USP8: variants seen among roughly 807,000 people sequenced by gnomAD.
USP8 encodes the protein ubiquitin carboxyl-terminal hydrolase 8.
Under a neutral mutation model 130.0 loss-of-function variants are expected in USP8, and 27 were observed. The observed-to-expected ratio is 0.21, with a 90% CI of 0.15 to 0.29. The LOEUF is 0.29. Ranked by LOEUF, USP8 falls within the 10% of genes least tolerant of loss-of-function variation. The probability of loss-of-function intolerance (pLI) is 1.00; values close to 1 mark genes in which losing one functional copy is unlikely to be tolerated. For synonymous variants in USP8, 392 were observed against 444.1 expected (o/e 0.88, Z 1.48); for missense variants, 1,029 against 1,312.2 (o/e 0.78, Z 3.33).
In USP8 at chr15:50,455,522, T is replaced by G. The variant is rs560975863; in HGVS notation, c.336-3478T>G. ...CAGCTGCTCTAAAATCTTTGTATGCTAAATGCATCATCTTAGAGTCAGTGT... is the reference window on the plus strand; with the variant it reads ...CAGCTGCTCTAAAATCTTTGTATGCGAAATGCATCATCTTAGAGTCAGTGT... On this transcript the variant is annotated intron_variant, in intron 4 of 19. Transcript: ENST00000307179. Among the ~76,000 whole-genome samples, 10 of 152,382 alleles carry G rather than the reference T, an allele frequency of 6.6e-5. No individual in the cohort carries two copies. The East Asian group carries it at 1.9e-3, about 29-fold the overall frequency.
chr15:50,483,297 T>G (rs996691685), intron 11 of USP8, among the ~76,000 whole-genome samples: 4 of 152,232 alleles, frequency 2.6e-5, no homozygotes, highest in African/African-American at 9.6e-5. Context: ...AGAACTTAAA[T>G]CATTCATATT....
chr15:50,455,380 A>G (rs565636260), intron 4 of USP8, among the ~76,000 whole-genome samples: 20 of 144,680 alleles, frequency 1.4e-4, no homozygotes, highest in Admixed American at 7.5e-4. Context: ...GCCCAGCCCA[A>G]TTCTAGAATT....
chr15:50,447,502 A>G (rs879861011), intron 3 of USP8, among the ~76,000 whole-genome samples: 2 of 151,564 alleles, frequency 1.3e-5, no homozygotes, highest in Non-Finnish European at 2.9e-5. Context: ...CAGCCTCCCA[A>G]TGTGCTGGGA....
chr15:50,488,017 C>A (rs3131559), intron 12 of USP8, among the ~76,000 whole-genome samples: 63,900 of 151,946 alleles, frequency 0.42, 13,727 homozygotes, highest in Admixed American at 0.52. Flanking sequence ...CATCTCTAAA[C>A]TTTTTTTAAA....
At chr15:50,468,798 A>G (rs1475200047) in intron 7 of USP8, among the ~76,000 whole-genome samples, 1 of 152,004 alleles carries the variant, frequency 6.6e-6, no homozygotes, top group Non-Finnish European at 1.5e-5. Context: ...AACTTTTAAT[A>G]CATTATAGTA....
intron 1 of USP8, 33 bp from the exon 2 acceptor site, chr15:50,438,976 G>T: frequency 2.2e-6 from 2 of 896,084 alleles, no homozygotes; most frequent in South Asian, 1.6e-5. Flanking sequence ...TGTGAATGAG[G>T]AAAATTAGTA....
chr15:50,461,282 G>A (rs557773774), intron 5 of USP8, among the ~76,000 whole-genome samples: 8 of 151,892 alleles, frequency 5.3e-5, no homozygotes, highest in South Asian at 2.1e-4. Context: ...GTCAGCCACC[G>A]TGCCTGGCCT....
At position 50,497,181 on chromosome 15, in the gene USP8, A is replaced by G. The variant is rs1461660855; in HGVS notation, c.2988A>G (p.Lys996=). 6.2e-7 allele frequency: 1 copy of G among 1,611,342 alleles called. No homozygotes were observed. The highest frequency in any genetic ancestry group is 1.7e-5 in the Admixed American group (1 of 59,544). The change falls in exon 18 of 20, where the codon AAA becomes AAG. Residue 996 remains lysine, a synonymous_variant. Transcript: ENST00000307179. The part of the protein sequence containing the change: ...SHCRARRDSL[K]KIEIWKLPPV... ...GCAGAGCTCGACGGGATTCTCTAAA[A>G]AAGATAGAAATCTGGAAGTTACCAC...
chr15:50,446,307 A>G (rs2050441124), intron 3 of USP8, among the ~76,000 whole-genome samples: 1 of 152,210 alleles, frequency 6.6e-6, no homozygotes, highest in Non-Finnish European at 1.5e-5. Context: ...GAGATAAATA[A>G]TTGACAGGAA....
chr15:50,498,668 G>A lies in USP8; in HGVS notation c.3111G>A (p.Leu1037=). 1 of 1,613,100 alleles carries A rather than the reference G, an allele frequency of 6.2e-7. No homozygotes were observed. Among genetic ancestry groups the A allele is most frequent in the African/African-American group, 1.3e-5 (1 of 75,016 alleles). ...SVDFPLENLD[L]SQYVIGPKNN... ...ACTTCCCGTTAGAAAATCTTGACTT[G>A]TCACAGTATGTTATTGGTCCAAAGA... The change falls in exon 19 of 20, where the codon TTG becomes TTA. Residue 1037 remains leucine (L), a synonymous_variant. Coordinates refer to ENST00000307179, the MANE Select transcript of USP8 (RefSeq NM_005154.5).
At chr15:50,454,538 C>T (rs2050728907) in intron 4 of USP8, among the ~76,000 whole-genome samples, 1 of 151,578 alleles carries the variant, frequency 6.6e-6, no homozygotes, top group Non-Finnish European at 1.5e-5. Flanking sequence ...TTGCTGCAGC[C>T]TCCACCTCCT....
intron 17 of USP8, among the ~76,000 whole-genome samples, chr15:50,496,432 G>A (rs1249823473): frequency 1.4e-5 from 2 of 142,686 alleles, no homozygotes; most frequent in African/African-American, 5.3e-5. Flanking sequence ...AGTGAGCTGA[G>A]ATCTCGCCAC....
intron 1 of USP8, among the ~76,000 whole-genome samples, 181 bp from the exon 2 acceptor site, chr15:50,438,825 GAAA>G (rs1167512929): frequency 6.6e-6 from 1 of 151,820 alleles, no homozygotes; most frequent in Non-Finnish European, 1.5e-5. Context: ...ATGAAAATTT[GAAA>G]AAAATTATTA....
Position 50,511,620 on chromosome 15 carries a change from C to G in USP8, c.*12532C>G, listed in dbSNP as rs1337219608. The G allele has an allele frequency of 2.0e-5, 3 of 152,192 alleles. No individual in the cohort carries two copies. The highest frequency in any genetic ancestry group is 4.4e-5 in the Non-Finnish European group (3 of 68,040). The allele number at this position is 152,192 out of a possible 1,614,324, so 9.4% of individuals were successfully genotyped here. On this transcript the variant is annotated 3_prime_UTR_variant, in exon 20 of 20. Transcript: ENST00000307179. ...AATGAAGTACAGATACATGCTATGA[C>G]ATGAATGAAACTTGAAAACATTATG...
intron 1 of USP8, among the ~76,000 whole-genome samples, chr15:50,431,641 T>C (rs1406023135): frequency 6.6e-6 from 1 of 152,198 alleles, no homozygotes; most frequent in Non-Finnish European, 1.5e-5. Context: ...CCCAATAACT[T>C]CTGTAATATT....
chr15:50,487,697 C>G (rs1439612480), intron 12 of USP8, among the ~76,000 whole-genome samples: 1 of 152,168 alleles, frequency 6.6e-6, no homozygotes, highest in Non-Finnish European at 1.5e-5. Context: ...ACTGTATGAT[C>G]CACTCTACAC....
At chr15:50,468,257 A>G (rs1595946605) in intron 7 of USP8, among the ~76,000 whole-genome samples, 1 of 101,756 alleles carries the variant, frequency 9.8e-6, no homozygotes, top group African/African-American at 3.9e-5. Context: ...TTTTTTTGAG[A>G]CAGGGTCTTG....
chr15:50,449,553 C>A, intron 4 of USP8, 68 bp downstream of exon 4: 1 of 1,137,004 alleles, frequency 8.8e-7, no homozygotes, highest in South Asian at 1.8e-5. Context: ...TAAGATTTAC[C>A]GATTTATATC....
chr15:50,460,259 A>G (rs1201568710), intron 5 of USP8, among the ~76,000 whole-genome samples: 1 of 147,996 alleles, frequency 6.8e-6, no homozygotes, highest in Non-Finnish European at 1.5e-5. Flanking sequence ...CAGCCTTCCA[A>G]AGTGCTGGGA....
Sources: gnomAD v4.1 joint callset for allele counts (sites outside exome capture counted in the v4.1 genomes callset) on GRCh38, gnomAD v4.1.1 for gene constraint, MANE v1.5 for transcripts, NCBI Gene and HGNC (gene_info 2026-07-23, HGNC 2026-07-21) for gene names.